The following LRRC7 variants were observed in gnomAD, a reference collection of about 807,000 sequenced individuals.
LRRC7 encodes the protein leucine rich repeat containing 7, also known as leucine-rich repeat-containing protein 7.
In LRRC7, 23 loss-of-function variants were observed where a neutral mutation model predicts 175.7. The ratio of observed to expected loss-of-function variants is 0.13; its 90% CI spans 0.09 to 0.19. The LOEUF (loss-of-function observed/expected upper bound fraction) is 0.19. Among genes scored for constraint, LRRC7 ranks in the 10% least tolerant of loss-of-function variants. LRRC7 has a pLI of 1.00. For synonymous variants in LRRC7, 685 were observed against 680.9 expected (o/e 1.01, Z -0.09); for missense variants, 1,354 against 1,904.7 (o/e 0.71, Z 5.38).
chr1:70,134,944 T>C lies in LRRC7; in HGVS notation c.*13057T>C, dbSNP rs1414653259. Among the ~76,000 whole-genome samples, 1 of 152,236 alleles carries C rather than the reference T, an allele frequency of 6.6e-6. No individual in the cohort carries two copies. Among genetic ancestry groups the C allele is most frequent in the Non-Finnish European group, 1.5e-5 (1 of 68,040 alleles). On this transcript the variant is annotated 3_prime_UTR_variant, in exon 27 of 27. Coordinates refer to ENST00000651989, the MANE Select transcript of LRRC7 (RefSeq NM_001370785.2). Reference sequence around the variant, plus strand: ...TTGATTTGCCTGATGTTCTATTTCATCTTTTTTATTCCTTCTATTTTCCAT... The same window carrying C: ...TTGATTTGCCTGATGTTCTATTTCACCTTTTTTATTCCTTCTATTTTCCAT...
chr1:69,781,672 A>T (rs1261699170), intron 3 of LRRC7, among the ~76,000 whole-genome samples: 1 of 127,584 alleles, frequency 7.8e-6, no homozygotes, highest in East Asian at 2.1e-4. Context: ...ACAGAGCAAG[A>T]CTGTCTCAAA....
At chr1:69,963,767 G>T (rs1046598261) in intron 8 of LRRC7, among the ~76,000 whole-genome samples, 6 of 152,182 alleles carry the variant, frequency 3.9e-5, no homozygotes, top group Admixed American at 6.5e-5. Context: ...GCATTAAAGT[G>T]CAGATCATGA....
chr1:69,589,919 G>A (rs1020701633), intron 1 of LRRC7, among the ~76,000 whole-genome samples: 2 of 147,466 alleles, frequency 1.4e-5, no homozygotes, highest in African/African-American at 4.9e-5. Context: ...CTCAGCAAGT[G>A]TTTGGCTTTC....
intron 1 of LRRC7, among the ~76,000 whole-genome samples, chr1:69,614,174 C>T (rs1032746100): frequency 1.3e-5 from 2 of 151,958 alleles, no homozygotes; most frequent in East Asian, 3.9e-4. Flanking sequence ...ATAAACTCTT[C>T]ATTGAAAAAT....
intron 8 of LRRC7, among the ~76,000 whole-genome samples, chr1:69,934,781 C>T (rs529099466): frequency 6.6e-6 from 1 of 151,952 alleles, no homozygotes; most frequent in African/African-American, 2.4e-5. Context: ...TAACATTAAC[C>T]CTTAGGATCA....
intron 7 of LRRC7, among the ~76,000 whole-genome samples, chr1:69,884,173 G>A (rs1686930721): frequency 1.3e-5 from 1 of 77,422 alleles, no homozygotes; most frequent in African/African-American, 5.1e-5. Context: ...TAGCTTGATG[G>A]GGATGGCATT....
intron 2 of LRRC7, among the ~76,000 whole-genome samples, chr1:69,737,027 T>A (rs1668190133): frequency 6.6e-6 from 1 of 152,120 alleles, no homozygotes; most frequent in Non-Finnish European, 1.5e-5. Context: ...ACTCAAATTC[T>A]TACACCTCCG....
At chr1:69,915,223 C>T (rs1276466943) in intron 7 of LRRC7, among the ~76,000 whole-genome samples, 1 of 152,100 alleles carries the variant, frequency 6.6e-6, no homozygotes, top group African/African-American at 2.4e-5. Flanking sequence ...CCAAAATAAT[C>T]ATAAATGCAA....
intron 7 of LRRC7, among the ~76,000 whole-genome samples, chr1:69,930,891 C>A (rs1206477195): frequency 6.7e-6 from 1 of 149,734 alleles, no homozygotes; most frequent in Non-Finnish European, 1.5e-5. Context: ...AGAAACCACC[C>A]CCATGATCCA....
At chr1:69,679,950 G>A (rs1302591353) in intron 2 of LRRC7, among the ~76,000 whole-genome samples, 1 of 151,996 alleles carries the variant, frequency 6.6e-6, no homozygotes, top group Non-Finnish European at 1.5e-5. Flanking sequence ...TTTATTTATT[G>A]TATATTATGC....
At chr1:70,052,823 A>C (rs1660847904) in intron 22 of LRRC7, among the ~76,000 whole-genome samples, 1 of 152,156 alleles carries the variant, frequency 6.6e-6, no homozygotes, top group South Asian at 2.1e-4. Context: ...TGGTTATTTT[A>C]ATTGCATTTT....
chr1:69,918,967 A>G (rs1207850530), intron 7 of LRRC7, among the ~76,000 whole-genome samples: 1 of 152,218 alleles, frequency 6.6e-6, no homozygotes, highest in Non-Finnish European at 1.5e-5. Flanking sequence ...AAATTTTAAA[A>G]TATGGTTTCC....
At chr1:69,722,751 C>A (rs1013979602) in intron 2 of LRRC7, among the ~76,000 whole-genome samples, 5 of 151,930 alleles carry the variant, frequency 3.3e-5, no homozygotes, top group Non-Finnish European at 7.4e-5. Context: ...TAGTCATATA[C>A]TCTTCTATAA....
intron 7 of LRRC7, among the ~76,000 whole-genome samples, chr1:69,929,590 A>C (rs1647204705): frequency 6.6e-6 from 1 of 152,176 alleles, no homozygotes; most frequent in South Asian, 2.1e-4. Flanking sequence ...CTGTGGCCAT[A>C]AATTTTTTAT....
chr1:70,101,792 A>C (rs1044705421), intron 25 of LRRC7, among the ~76,000 whole-genome samples: 3 of 152,252 alleles, frequency 2.0e-5, no homozygotes, highest in African/African-American at 7.2e-5. Flanking sequence ...GCAACAGATC[A>C]TGCCTATGTG....
intron 2 of LRRC7, among the ~76,000 whole-genome samples, chr1:69,712,665 T>G (rs1664903293): frequency 6.6e-6 from 1 of 152,174 alleles, no homozygotes; most frequent in East Asian, 1.9e-4. Context: ...TGGTCTCTAT[T>G]ATAACAAAAA....
chr1:69,670,733 C>G (rs1240867599), intron 1 of LRRC7, among the ~76,000 whole-genome samples: 6 of 152,094 alleles, frequency 3.9e-5, no homozygotes, highest in Admixed American at 3.9e-4. Context: ...AGACACAGTC[C>G]TTTCCACTCT....
intron 23 of LRRC7, among the ~76,000 whole-genome samples, chr1:70,062,594 A>G (rs995832132): frequency 6.6e-6 from 1 of 152,130 alleles, no homozygotes; most frequent in Non-Finnish European, 1.5e-5. Flanking sequence ...TTATCAGCCA[A>G]TGCCAAATAA....
At chr1:69,617,562 A>AAAAAAAAAAAAAAAAAAAAAAAAAC (rs1649849832) in intron 1 of LRRC7, among the ~76,000 whole-genome samples, 1 of 149,982 alleles carries the variant, frequency 6.7e-6, no homozygotes. Flanking sequence ...AAAAAAAAAA[A>AAAAAAAAAAAAAAAAAAAAAAAAAC]AAAAAAAAAA....
Sources: gnomAD v4.1 joint callset for allele counts (sites outside exome capture counted in the v4.1 genomes callset) on GRCh38, gnomAD v4.1.1 for gene constraint, MANE v1.5 for transcripts, NCBI Gene and HGNC (gene_info 2026-07-23, HGNC 2026-07-21) for gene names.